Variants in STXBP3 observed in about 807,000 individuals in gnomAD.
The protein encoded by STXBP3 is syntaxin-binding protein 3.
A neutral mutation model predicts 85.7 loss-of-function variants in STXBP3; 41 were observed. The ratio of observed to expected loss-of-function variants is 0.48; its 90% CI spans 0.37 to 0.62. The LOEUF (loss-of-function observed/expected upper bound fraction) is 0.62. STXBP3 is among the 20% of genes least tolerant of loss of function. The pLI is 0.00. For synonymous variants in STXBP3, 229 were observed against 231.7 expected, an observed-to-expected ratio of 0.99 and a Z score of 0.10; for missense variants, 563 against 703.1, an observed-to-expected ratio of 0.80 and a Z score of 2.25.
rs1661785697 is a variant in STXBP3, at chr1:108,746,693, G to A, written c.-45G>A. On this transcript the variant is annotated 5_prime_UTR_variant, in exon 1 of 19. Coordinates refer to ENST00000370008, the MANE Select transcript of STXBP3 (RefSeq NM_007269.4). ...AACGCCGCTTCTGCGGCCAAAGTAG[G>A]TTGGGAGTGGAAGGTGGTGGCTGCT... The A allele has an allele frequency of 1.3e-6, 2 of 1,547,782 alleles. No homozygotes were observed. The highest frequency in any genetic ancestry group is 1.4e-5 in the African/African-American group (1 of 72,700).
chr1:108,785,729 G>GT (rs1662812892), intron 11 of STXBP3, among the ~76,000 whole-genome samples: 1 of 152,094 alleles, frequency 6.6e-6, no homozygotes, highest in South Asian at 2.1e-4. Context: ...CTGCTGAGAA[G>GT]TTTCTTCTGC....
At chr1:108,800,386 G>T in intron 17 of STXBP3, 81 bp downstream of exon 17, 1 of 1,071,542 alleles carries the variant, frequency 9.3e-7, no homozygotes, top group South Asian at 1.4e-5. Flanking sequence ...ACTCATATTT[G>T]GCAACTTTCT....
Position 108,748,337 on chromosome 1 carries a change from A to C in STXBP3, c.49+1551A>C, listed in dbSNP as rs575115167. On this transcript the variant is annotated intron_variant, in intron 1 of 18. Coordinates refer to ENST00000370008, the MANE Select transcript of STXBP3 (RefSeq NM_007269.4). ...TCACCTGAGCCTAGGAGTGGGCAAC[A>C]AAGTGAGACCCCATCTCTACAAAAA... Among the ~76,000 whole-genome samples, 17 of 152,240 alleles carry C rather than the reference A, an allele frequency of 1.1e-4. No individual in the cohort carries two copies. The East Asian group carries it at 3.3e-3, about 29-fold the overall frequency.
chr1:108,768,116 G>A (rs1433621943), intron 6 of STXBP3, among the ~76,000 whole-genome samples: 1 of 152,114 alleles, frequency 6.6e-6, no homozygotes, highest in Non-Finnish European at 1.5e-5. Flanking sequence ...GGCCACAAAA[G>A]GAGGGAGATT....
At chr1:108,765,772 T>C (rs1490781705) in intron 6 of STXBP3, among the ~76,000 whole-genome samples, 1 of 151,482 alleles carries the variant, frequency 6.6e-6, no homozygotes, top group Non-Finnish European at 1.5e-5. Context: ...GATTTCACCA[T>C]GTTGACCAGG....
chr1:108,793,721 A>T lies in STXBP3; in HGVS notation c.1029+74A>T, dbSNP rs569147610. ...AGTTTATATTCAGTTCTGTAGTTCG[A>T]TTTAGCAGTGGGTTTCGTGGAATAC... On this transcript the variant is annotated intron_variant, in intron 12 of 18. Coordinates refer to ENST00000370008, the MANE Select transcript of STXBP3 (RefSeq NM_007269.4). The T allele has an allele frequency of 1.6e-5, 21 of 1,316,218 alleles. No individual in the cohort carries two copies. In the South Asian group the frequency reaches 2.7e-4, roughly 17 times the overall value. The allele number at this position is 1,316,218 out of a possible 1,614,324, so 81.5% of individuals were successfully genotyped here.
At chr1:108,783,919 A>T (rs1389794869) in intron 11 of STXBP3, among the ~76,000 whole-genome samples, 1 of 152,138 alleles carries the variant, frequency 6.6e-6, no homozygotes, top group African/African-American at 2.4e-5. Context: ...TCTTGTGCAT[A>T]TTGGCCATTA....
intron 1 of STXBP3, among the ~76,000 whole-genome samples, chr1:108,747,894 G>C (rs1290505270): frequency 6.6e-6 from 1 of 152,168 alleles, no homozygotes; most frequent in Non-Finnish European, 1.5e-5. Context: ...CTTAAGATTT[G>C]AGATGTTTTA....
chr1:108,774,199 T>C (rs1662534099), intron 7 of STXBP3, among the ~76,000 whole-genome samples: 1 of 152,158 alleles, frequency 6.6e-6, no homozygotes, highest in Non-Finnish European at 1.5e-5. Context: ...TTAGTTTTAA[T>C]TTTGGTCTGC....
intron 6 of STXBP3, among the ~76,000 whole-genome samples, chr1:108,763,955 G>A (rs1662203621): frequency 6.6e-6 from 1 of 152,068 alleles, no homozygotes; most frequent in African/African-American, 2.4e-5. Context: ...TGTCAAGGGG[G>A]TTTGTTACAC....
intron 6 of STXBP3, among the ~76,000 whole-genome samples, chr1:108,765,591 T>TTTTTTTTTTTTTTTTTC: frequency 8.2e-6 from 1 of 122,654 alleles, no homozygotes; most frequent in Non-Finnish European, 1.7e-5. Flanking sequence ...TTTTTTTTTT[T>TTTTTTTTTTTTTTTTTC]TGAGACGGAG....
At chr1:108,755,401 T>A (rs1471145070) in intron 3 of STXBP3, among the ~76,000 whole-genome samples, 1 of 152,092 alleles carries the variant, frequency 6.6e-6, no homozygotes, top group Non-Finnish European at 1.5e-5. Context: ...AAACCCTGAT[T>A]GTGCCACTAC....
intron 1 of STXBP3, among the ~76,000 whole-genome samples, chr1:108,751,360 T>C (rs936193281): frequency 6.6e-6 from 1 of 152,180 alleles, no homozygotes; most frequent in Non-Finnish European, 1.5e-5. Context: ...GTAACTGTTA[T>C]TATTTATACC....
rs147584570 is a variant in STXBP3 at position 108,796,515 on chromosome 1, A to G, written c.1250-105A>G. 30 of 1,198,064 alleles carry G rather than the reference A, an allele frequency of 2.5e-5. 1 individual carries two copies. The Admixed American group carries it at 7.8e-4, about 31-fold the overall frequency. The allele number at this position is 1,198,064 out of a possible 1,614,324, so 74.2% of individuals were successfully genotyped here. A position where few individuals can be genotyped will look rare whatever the true frequency, so the allele number is the denominator to read the frequency against. ...AGAAGACTGAAGGAGATATAATTTGACTGTTTTTTATTTTAAAAGCTTCAT... is the reference window on the plus strand; with the variant it reads ...AGAAGACTGAAGGAGATATAATTTGGCTGTTTTTTATTTTAAAAGCTTCAT... On this transcript the variant is annotated intron_variant, in intron 14 of 18. Coordinates refer to ENST00000370008, the MANE Select transcript of STXBP3 (RefSeq NM_007269.4).
chr1:108,793,823 T>C (rs1324636293), intron 12 of STXBP3, among the ~76,000 whole-genome samples, 176 bp downstream of exon 12: 2 of 152,224 alleles, frequency 1.3e-5, no homozygotes, highest in Admixed American at 1.3e-4. Context: ...TCATAACTTC[T>C]CTATATGTAT....
intron 3 of STXBP3, among the ~76,000 whole-genome samples, chr1:108,755,517 C>T (rs1023897255): frequency 6.6e-6 from 1 of 151,782 alleles, no homozygotes; most frequent in Non-Finnish European, 1.5e-5. Flanking sequence ...AGACCTTTCT[C>T]TTTGTTTTTT....
intron 15 of STXBP3, among the ~76,000 whole-genome samples, chr1:108,797,803 T>A (rs557307691): frequency 6.6e-6 from 1 of 152,048 alleles, no homozygotes; most frequent in Admixed American, 6.5e-5. Flanking sequence ...TGGCTCGATC[T>A]CGGCTCACTG....
At chr1:108,779,181 A>G in intron 8 of STXBP3, 105 bp from the exon 9 acceptor site, 5 of 1,207,988 alleles carry the variant, frequency 4.1e-6, no homozygotes, top group East Asian at 2.5e-5. Flanking sequence ...GGTGGGGAAA[A>G]GGGACAGAAC....
At chr1:108,754,236 A>G (rs1428721247) in intron 3 of STXBP3, among the ~76,000 whole-genome samples, 2 of 151,988 alleles carry the variant, frequency 1.3e-5, no homozygotes, top group Non-Finnish European at 1.5e-5. Context: ...GGGTTTCACC[A>G]TGTTGCCCAG....
Sources: gnomAD v4.1 joint callset for allele counts (sites outside exome capture counted in the v4.1 genomes callset) on GRCh38, gnomAD v4.1.1 for gene constraint, MANE v1.5 for transcripts, NCBI Gene and HGNC (gene_info 2026-07-23, HGNC 2026-07-21) for gene names.